PHF21A: variants seen among roughly 807,000 people sequenced by gnomAD.
PHF21A encodes the protein PHD finger protein 21A.
A neutral mutation model predicts 82.5 loss-of-function variants in PHF21A; 11 were observed. The observed-to-expected ratio is 0.13, with a 90% CI of 0.08 to 0.22. The LOEUF (loss-of-function observed/expected upper bound fraction) is 0.22, where lower values mean the gene tolerates loss of function less well. Ranked by LOEUF, PHF21A falls within the 10% of genes least tolerant of loss-of-function variation. The probability of loss-of-function intolerance (pLI) is 1.00; values close to 1 mark genes in which losing one functional copy is unlikely to be tolerated. For synonymous variants in PHF21A, 297 were observed against 302.8 expected, an observed-to-expected ratio of 0.98 and a Z score of 0.20; for missense variants, 579 against 837.8, an observed-to-expected ratio of 0.69 and a Z score of 3.81.
intron 6 of PHF21A, among the ~76,000 whole-genome samples, chr11:46,030,614 A>G (rs771862291): frequency 6.6e-6 from 1 of 152,238 alleles, no homozygotes; most frequent in Non-Finnish European, 1.5e-5. Context: ...ACAAAATTCA[A>G]AAAGATTCTT....
At chr11:46,113,179 A>G (rs1479945846) in intron 1 of PHF21A, among the ~76,000 whole-genome samples, 1 of 152,224 alleles carries the variant, frequency 6.6e-6, no homozygotes, top group Non-Finnish European at 1.5e-5. Flanking sequence ...AAGTTAAGCA[A>G]AAACTGCAAT....
At chr11:45,987,186 C>T (rs2094519393) in intron 6 of PHF21A, among the ~76,000 whole-genome samples, 1 of 151,866 alleles carries the variant, frequency 6.6e-6, no homozygotes, top group African/African-American at 2.4e-5. Context: ...TTTGAAGCTT[C>T]AGTGAGCTAT....
Position 45,949,432 on chromosome 11 carries a change from C to G in PHF21A, c.1197G>C (p.Pro399=), listed in dbSNP as rs768776752. 1 of 1,614,186 alleles carries G rather than the reference C, an allele frequency of 6.2e-7. No homozygotes were observed. The highest frequency in any genetic ancestry group is 1.1e-5 in the South Asian group (1 of 91,090). ...GCTCAAAGACTGCTCCACTGTAGAC[C>G]GGATTTGCTGTTGTTCTTCTTTTTC... ...QERKRRTTAN[P]VYSGAVFEPE... Residue 399 remains proline (P), a synonymous_variant, in exon 13 of 19, where the codon CCG becomes CCC. Coordinates refer to ENST00000676320, the MANE Select transcript of PHF21A (RefSeq NM_001352027.3).
chr11:46,064,747 A>G (rs1283738967), intron 6 of PHF21A, among the ~76,000 whole-genome samples: 1 of 152,246 alleles, frequency 6.6e-6, no homozygotes, highest in Non-Finnish European at 1.5e-5. Context: ...AACAACGATA[A>G]TGATAGTTTA....
chr11:45,949,091 T>C (rs1187826862), intron 13 of PHF21A, 145 bp from the exon 14 acceptor site: 2 of 734,312 alleles, frequency 2.7e-6, no homozygotes, highest in Non-Finnish European at 4.9e-6. Flanking sequence ...GCTCAAGGGT[T>C]TTATTGTATG....
chr11:46,102,964 AAG>A lies in PHF21A; in HGVS notation c.-236-10743_-236-10742del, dbSNP rs1371251798. Among the ~76,000 whole-genome samples the A allele has an allele frequency of 2.6e-5, 4 of 152,324 alleles. No homozygotes were observed. In the East Asian group the frequency reaches 7.7e-4, roughly 29 times the overall value. On this transcript the variant is annotated intron_variant, in intron 1 of 18. Coordinates refer to ENST00000676320, the MANE Select transcript of PHF21A (RefSeq NM_001352027.3). Reference sequence around the variant, plus strand: ...GGATGAATAACAGGCAGGGGACGGAAAGAGACCATCAAGAGGGTAAGCAGAGA... The same window carrying A: ...GGATGAATAACAGGCAGGGGACGGAAAGACCATCAAGAGGGTAAGCAGAGA...
intron 6 of PHF21A, among the ~76,000 whole-genome samples, chr11:45,987,568 G>A (rs1175236469): frequency 6.8e-6 from 1 of 146,476 alleles, no homozygotes; most frequent in Non-Finnish European, 1.5e-5. Flanking sequence ...GGCTGAGGCA[G>A]GAGAATTGCT....
At position 45,953,644 on chromosome 11, in the gene PHF21A, A is replaced by G; in HGVS notation, c.997-19T>C. The stretch of plus-strand genomic sequence containing the variant: ...TAACTGTCTAGGAGAGAAAAATTAA[A>G]TAAAAATTCAGAATTCGTTTTTTAT... On this transcript the variant is annotated intron_variant, in intron 10 of 18. Transcript: ENST00000676320. 1 of 1,534,950 alleles carries G rather than the reference A, an allele frequency of 6.5e-7. No individual in the cohort carries two copies.
At chr11:45,953,806 C>T (rs1039340679) in intron 10 of PHF21A, among the ~76,000 whole-genome samples, 181 bp from the exon 11 acceptor site, 1 of 151,668 alleles carries the variant, frequency 6.6e-6, no homozygotes, top group African/African-American at 2.4e-5. Context: ...AATGTAAAGC[C>T]CCAGTTGAAG....
intron 3 of PHF21A, among the ~76,000 whole-genome samples, chr11:46,086,900 A>G (rs2096863550): frequency 6.6e-6 from 1 of 152,250 alleles, no homozygotes; most frequent in South Asian, 2.1e-4. Flanking sequence ...ATTGATAACA[A>G]AAATCTATGA....
At chr11:45,998,401 A>C (rs1284519211) in intron 6 of PHF21A, among the ~76,000 whole-genome samples, 4 of 152,198 alleles carry the variant, frequency 2.6e-5, no homozygotes, top group Non-Finnish European at 4.4e-5. Flanking sequence ...ATGCCTACTG[A>C]GTATATAGTA....
chr11:46,113,824 C>CA (rs34398600), intron 1 of PHF21A, among the ~76,000 whole-genome samples: 1,563 of 76,742 alleles, frequency 0.02, 16 homozygotes, highest in South Asian at 0.039. Context: ...GATTCATTCT[C>CA]AAAAAAAAAA....
chr11:45,945,166 T>C (rs2091100464), intron 15 of PHF21A, among the ~76,000 whole-genome samples: 1 of 152,220 alleles, frequency 6.6e-6, no homozygotes, highest in South Asian at 2.1e-4. Flanking sequence ...TTGGTTTTGT[T>C]CCCTGCTGTA....
Position 45,995,670 on chromosome 11 carries a change from C to G in PHF21A, c.154-15704G>C, listed in dbSNP as rs181465065. 2.8e-3 allele frequency among the ~76,000 whole-genome samples: 434 copies of G among 152,316 alleles called. 2 individuals carry two copies. Among genetic ancestry groups the G allele is most frequent in the African/African-American group, 0.01 (421 of 41,568 alleles). ...TGCATTTGATAAGGCTCTACAGAGT[C>G]TGCAAGACCAGCACATGTAACAAAA... On this transcript the variant is annotated intron_variant, in intron 6 of 18. Coordinates refer to ENST00000676320, the MANE Select transcript of PHF21A (RefSeq NM_001352027.3).
intron 14 of PHF21A, chr11:45,946,217 G>T: frequency 9.2e-7 from 1 of 1,081,322 alleles, no homozygotes; most frequent in Non-Finnish European, 1.4e-6. Flanking sequence ...TCAAGAGAAG[G>T]GAGGATAAGA....
At chr11:45,974,688 C>T (rs1248069688) in intron 7 of PHF21A, among the ~76,000 whole-genome samples, 8 of 151,964 alleles carry the variant, frequency 5.3e-5, no homozygotes, top group Admixed American at 2.0e-4. Context: ...CTCGCTCTCA[C>T]GTAATCCTCC....
chr11:46,028,793 C>T (rs1004144409), intron 6 of PHF21A, among the ~76,000 whole-genome samples: 1 of 151,774 alleles, frequency 6.6e-6, no homozygotes, highest in African/African-American at 2.4e-5. Flanking sequence ...AGGCTAGTTT[C>T]GAACTCCTGA....
chr11:46,078,775 T>G (rs1444608733), intron 5 of PHF21A, among the ~76,000 whole-genome samples: 2 of 152,138 alleles, frequency 1.3e-5, no homozygotes, highest in African/African-American at 4.8e-5. Flanking sequence ...TTGGGGTCTC[T>G]TTTCATAATA....
chr11:46,104,798 T>A (rs2097136016), intron 1 of PHF21A, among the ~76,000 whole-genome samples: 1 of 152,222 alleles, frequency 6.6e-6, no homozygotes, highest in Non-Finnish European at 1.5e-5. Context: ...GAAGTCCCAG[T>A]GACCAGCACA....
Sources: gnomAD v4.1 joint callset for allele counts (sites outside exome capture counted in the v4.1 genomes callset) on GRCh38, gnomAD v4.1.1 for gene constraint, MANE v1.5 for transcripts, NCBI Gene and HGNC (gene_info 2026-07-23, HGNC 2026-07-21) for gene names.